The following RBFOX1 variants were observed in gnomAD, a reference collection of about 807,000 sequenced individuals.
RBFOX1 encodes the protein RNA binding protein fox-1 homolog 1.
Under a neutral mutation model 57.7 loss-of-function variants are expected in RBFOX1, and 8 were observed. That is an observed-to-expected ratio of 0.14 (90% CI 0.08 to 0.25). The LOEUF (loss-of-function observed/expected upper bound fraction) is 0.25, where lower values mean the gene tolerates loss of function less well. RBFOX1 is among the 10% of genes least tolerant of loss of function. The probability of loss-of-function intolerance (pLI) is 1.00; values close to 1 mark genes in which losing one functional copy is unlikely to be tolerated. For synonymous variants in RBFOX1, 326 were observed against 222.4 expected (o/e 1.47, Z -4.15); for missense variants, 611 against 548.5 (o/e 1.11, Z -1.14).
intron 14 of RBFOX1, among the ~76,000 whole-genome samples, chr16:7,695,495 A>G (rs1019527512): frequency 5.3e-5 from 8 of 151,994 alleles, no homozygotes; most frequent in Admixed American, 2.6e-4. Context: ...TCTACTAAAA[A>G]TACAAAAATT....
chr16:5,811,891 A>T (rs1334415342), intron 3 of RBFOX1, among the ~76,000 whole-genome samples: 1 of 152,194 alleles, frequency 6.6e-6, no homozygotes, highest in Non-Finnish European at 1.5e-5. Context: ...TTAGAACTCC[A>T]TCACCTCAGA....
At chr16:5,538,125 G>T (rs967697168) in intron 2 of RBFOX1, among the ~76,000 whole-genome samples, 1 of 152,174 alleles carries the variant, frequency 6.6e-6, no homozygotes, top group Admixed American at 6.5e-5. Flanking sequence ...CAGGAACATT[G>T]AGGAGACATC....
At chr16:7,352,793 G>A (rs1404644463) in intron 4 of RBFOX1, among the ~76,000 whole-genome samples, 1 of 152,084 alleles carries the variant, frequency 6.6e-6, no homozygotes, top group East Asian at 1.9e-4. Context: ...ATGGCTCACT[G>A]CAGCTTCGAC....
intron 1 of RBFOX1, among the ~76,000 whole-genome samples, chr16:6,300,777 T>G (rs1376367690): frequency 6.6e-6 from 1 of 152,196 alleles, no homozygotes; most frequent in Non-Finnish European, 1.5e-5. Context: ...TTTTACCAAG[T>G]CCATTTACTC....
At chr16:5,618,963 T>C (rs1045940220) in intron 3 of RBFOX1, among the ~76,000 whole-genome samples, 3 of 152,016 alleles carry the variant, frequency 2.0e-5, no homozygotes, top group Non-Finnish European at 4.4e-5. Context: ...GGGTGCCGGC[T>C]CCTCCCAGCC....
intron 1 of RBFOX1, among the ~76,000 whole-genome samples, chr16:6,251,536 T>C (rs1047766543): frequency 3.9e-5 from 6 of 151,942 alleles, no homozygotes; most frequent in African/African-American, 7.3e-5. Flanking sequence ...CTTTACAGTA[T>C]GATAGAAAAA....
chr16:5,618,638 G>T (rs146845916), intron 3 of RBFOX1, among the ~76,000 whole-genome samples: 3,792 of 152,282 alleles, frequency 0.025, 100 homozygotes, highest in Admixed American at 0.08. Context: ...CGCCCAGCTG[G>T]CTGTAGATTT....
intron 2 of RBFOX1, among the ~76,000 whole-genome samples, chr16:6,614,994 T>C (rs1177905552): frequency 6.6e-6 from 1 of 152,226 alleles, no homozygotes; most frequent in Non-Finnish European, 1.5e-5. Flanking sequence ...CGAATTGTTT[T>C]GGGCATTATT....
At chr16:7,472,549 A>T (rs1357030751) in intron 4 of RBFOX1, among the ~76,000 whole-genome samples, 1 of 152,224 alleles carries the variant, frequency 6.6e-6, no homozygotes, top group African/African-American at 2.4e-5. Flanking sequence ...TGCAGTACAC[A>T]GTGCAAATAT....
At chr16:6,839,476 C>T (rs147705510) in intron 3 of RBFOX1, among the ~76,000 whole-genome samples, 1 of 152,156 alleles carries the variant, frequency 6.6e-6, no homozygotes. Context: ...CAGCTCTGGG[C>T]ACAAATAGGT....
At chr16:5,791,955 G>T (rs934129186) in intron 3 of RBFOX1, among the ~76,000 whole-genome samples, 9 of 152,096 alleles carry the variant, frequency 5.9e-5, no homozygotes, top group Non-Finnish European at 1.0e-4. Flanking sequence ...TTGCCTCTGG[G>T]GCTTGGAGGT....
chr16:7,568,690 C>T (rs2092407767), intron 5 of RBFOX1, among the ~76,000 whole-genome samples: 1 of 151,718 alleles, frequency 6.6e-6, no homozygotes, highest in South Asian at 2.1e-4. Context: ...TCGAGACCAT[C>T]CTGGCTAACA....
chr16:7,162,698 C>T (rs970559755), intron 4 of RBFOX1, among the ~76,000 whole-genome samples: 1 of 152,128 alleles, frequency 6.6e-6, no homozygotes, highest in Non-Finnish European at 1.5e-5. Context: ...CACTGCACTC[C>T]ACCCTGGGTA....
intron 1 of RBFOX1, among the ~76,000 whole-genome samples, chr16:5,401,533 T>A (rs1425487039): frequency 6.6e-6 from 1 of 152,212 alleles, no homozygotes; most frequent in Non-Finnish European, 1.5e-5. Flanking sequence ...GATTCTTGTC[T>A]GTTTCTTAAT....
At chr16:5,903,377 A>C (rs2058358401) in intron 4 of RBFOX1, among the ~76,000 whole-genome samples, 1 of 152,136 alleles carries the variant, frequency 6.6e-6, no homozygotes, top group South Asian at 2.1e-4. Flanking sequence ...TCTTCCTGAC[A>C]CTTCCTATTA....
intron 4 of RBFOX1, among the ~76,000 whole-genome samples, chr16:5,990,096 G>C (rs1338568121): frequency 6.6e-6 from 1 of 152,092 alleles, no homozygotes; most frequent in Non-Finnish European, 1.5e-5. Context: ...AGCAATCCTT[G>C]CTCCTCAGCC....
intron 12 of RBFOX1, among the ~76,000 whole-genome samples, chr16:7,662,604 G>T (rs777393391): frequency 1.3e-5 from 2 of 152,178 alleles, no homozygotes; most frequent in African/African-American, 4.8e-5. Context: ...AAGGTGCAAC[G>T]AGTCACATGC....
intron 3 of RBFOX1, among the ~76,000 whole-genome samples, chr16:6,900,880 T>C (rs1031900294): frequency 6.6e-6 from 1 of 152,208 alleles, no homozygotes; most frequent in African/African-American, 2.4e-5. Flanking sequence ...GGGAGCTACA[T>C]ATGTCTTGTG....
At chr16:5,553,515 C>T (rs920032797) in intron 2 of RBFOX1, among the ~76,000 whole-genome samples, 5 of 152,020 alleles carry the variant, frequency 3.3e-5, no homozygotes, top group African/African-American at 1.2e-4. Context: ...CAGGGTTTCA[C>T]TGTGTTAGCC....
Sources: allele counts gnomAD v4.1 joint callset (sites outside exome capture counted in the v4.1 genomes callset), GRCh38; gene constraint gnomAD v4.1.1; transcripts MANE v1.5; gene names NCBI Gene and HGNC (gene_info 2026-07-23, HGNC 2026-07-21).